Variants in MARCHF1 observed in about 807,000 individuals in gnomAD.
MARCHF1 encodes membrane associated ring-CH-type finger 1.
In MARCHF1, 40 loss-of-function variants were observed where a neutral mutation model predicts 54.2. That is an observed-to-expected ratio of 0.74 (90% CI 0.57 to 0.96). The LOEUF is 0.96. Ranked by LOEUF, MARCHF1 falls within the 40% of genes least tolerant of loss-of-function variation. The pLI, the probability that MARCHF1 is intolerant of heterozygous loss-of-function variation, is 0.00. For missense variants in MARCHF1, 586 were observed against 656.5 expected (o/e 0.89, Z 1.17); for synonymous variants, 236 against 236.3 (o/e 1.00, Z 0.01).
intron 5 of MARCHF1, among the ~76,000 whole-genome samples, chr4:163,686,984 C>T (rs948525034): frequency 6.6e-6 from 1 of 152,158 alleles, no homozygotes; most frequent in African/African-American, 2.4e-5. Flanking sequence ...CCTTGCAGTG[C>T]ATAGATTAAT....
chr4:164,284,810 C>T (rs1734105049), intron 1 of MARCHF1, among the ~76,000 whole-genome samples: 1 of 150,956 alleles, frequency 6.6e-6, no homozygotes. Context: ...AGTTCAATAT[C>T]GTATATGTTT....
chr4:163,979,170 C>G (rs564460570), intron 3 of MARCHF1, among the ~76,000 whole-genome samples: 1 of 56,058 alleles, frequency 1.8e-5, no homozygotes, highest in Non-Finnish European at 3.4e-5. Flanking sequence ...ATCCCCCCCC[C>G]TCCCCCCACC....
At chr4:164,102,273 G>A (rs1755580915) in intron 2 of MARCHF1, among the ~76,000 whole-genome samples, 1 of 69,094 alleles carries the variant, frequency 1.4e-5, no homozygotes, top group Non-Finnish European at 3.0e-5. Flanking sequence ...ACGCCACAAA[G>A]ATACTCCTCG....
intron 5 of MARCHF1, among the ~76,000 whole-genome samples, chr4:163,616,566 C>A (rs1327673278): frequency 6.6e-6 from 1 of 152,046 alleles, no homozygotes; most frequent in Middle Eastern, 3.2e-3. Context: ...TTATCTCACT[C>A]TCCTTAGGAT....
chr4:163,842,972 G>C (rs908978057), intron 4 of MARCHF1, among the ~76,000 whole-genome samples: 2 of 99,108 alleles, frequency 2.0e-5, no homozygotes, highest in Non-Finnish European at 4.5e-5. Context: ...CAGTTAGTGA[G>C]TACAGGGTGC....
intron 2 of MARCHF1, among the ~76,000 whole-genome samples, chr4:164,019,342 C>T (rs975142255): frequency 6.6e-6 from 1 of 152,140 alleles, no homozygotes; most frequent in Admixed American, 6.6e-5. Flanking sequence ...TTTTGGTTCA[C>T]TTAATTCTTC....
chr4:163,931,916 G>A (rs1000481307), intron 3 of MARCHF1, among the ~76,000 whole-genome samples: 1 of 152,090 alleles, frequency 6.6e-6, no homozygotes, highest in African/African-American at 2.4e-5. Context: ...GTATATAAAG[G>A]CACAGCATGG....
rs556007900 is a variant in MARCHF1, at chr4:163,524,991, C to G, written c.*3757G>C. 23 of 152,222 alleles carry G rather than the reference C, an allele frequency of 1.5e-4. No homozygotes were observed. In the East Asian group the frequency reaches 4.2e-3, roughly 28 times the overall value. The allele number at this position is 152,222 out of a possible 1,614,324, so 9.4% of individuals were successfully genotyped here. A position where few individuals can be genotyped will look rare whatever the true frequency, so the allele number is the denominator to read the frequency against. On this transcript the variant is annotated 3_prime_UTR_variant, in exon 10 of 10. Transcript: ENST00000514618. Reference sequence around the variant, plus strand: ...AGCCCAAAATAACAGTACTTCCTTTCAACTGTGTTGATATGTAAAATAGCA... The same window carrying G: ...AGCCCAAAATAACAGTACTTCCTTTGAACTGTGTTGATATGTAAAATAGCA...
chr4:164,034,430 A>T (rs749104339), intron 2 of MARCHF1, among the ~76,000 whole-genome samples: 1 of 152,168 alleles, frequency 6.6e-6, no homozygotes, highest in Non-Finnish European at 1.5e-5. Flanking sequence ...TCAAAGAACT[A>T]AAAATGTAAC....
chr4:163,611,584 A>G lies in MARCHF1; in HGVS notation c.1010+687T>C, dbSNP rs113188236. Among the ~76,000 whole-genome samples the G allele has an allele frequency of 4.6e-3, 706 of 152,234 alleles. 6 individuals carry two copies. Among genetic ancestry groups the G allele is most frequent in the African/African-American group, 0.016 (670 of 41,552 alleles). Reference sequence around the variant, plus strand: ...TATGCACACTAGCTTGGATATTCCTATAATTCTTTTTATGTAAGGTTATTT... The same window carrying G: ...TATGCACACTAGCTTGGATATTCCTGTAATTCTTTTTATGTAAGGTTATTT... On this transcript the variant is annotated intron_variant, in intron 7 of 9. Transcript: ENST00000514618.
intron 2 of MARCHF1, among the ~76,000 whole-genome samples, chr4:164,093,543 A>G (rs1451556400): frequency 6.6e-6 from 1 of 152,124 alleles, no homozygotes; most frequent in African/African-American, 2.4e-5. Flanking sequence ...AGTCTATGAT[A>G]CCCAAACTAT....
At chr4:164,300,862 G>A (rs1413252700) in intron 1 of MARCHF1, among the ~76,000 whole-genome samples, 1 of 152,146 alleles carries the variant, frequency 6.6e-6, no homozygotes, top group African/African-American at 2.4e-5. Context: ...AAATGGTAAA[G>A]CGGGAGAATT....
At position 163,975,188 on chromosome 4, in the gene MARCHF1, TCTCTCTCTCA is replaced by T. The variant is rs146154893; in HGVS notation, c.-39+13303_-39+13312del. Among the ~76,000 whole-genome samples the T allele has an allele frequency of 7.7e-3, 1,028 of 133,808 alleles. 5 individuals are homozygous for T. Among genetic ancestry groups the T allele is most frequent in the East Asian group, 0.02 (68 of 3,478 alleles). 87.8% of individuals were successfully genotyped at this position (133,808 alleles called of 152,430 possible). A position where few individuals can be genotyped will look rare whatever the true frequency, so the allele number is the denominator to read the frequency against. ...AGCTCTCTCTCTCTCTCTCTCTCTC[TCTCTCTCTCA>T]CACACACACACACACACACACACAC... On this transcript the variant is annotated intron_variant, in intron 3 of 9. Transcript: ENST00000514618.
At chr4:163,552,392 A>C (rs1560937525) in intron 8 of MARCHF1, among the ~76,000 whole-genome samples, 1 of 152,196 alleles carries the variant, frequency 6.6e-6, no homozygotes. Flanking sequence ...AATCGGGGGA[A>C]GTAGTTAACT....
At chr4:163,558,514 T>C (rs11931261) in intron 8 of MARCHF1, among the ~76,000 whole-genome samples, 123,848 of 151,828 alleles carry the variant, frequency 0.82, 50,756 homozygotes, top group Middle Eastern at 0.92. Context: ...AGTGACTGGA[T>C]TTAGGGACAA....
intron 1 of MARCHF1, among the ~76,000 whole-genome samples, chr4:164,147,181 TG>T (rs1729773682): frequency 1.3e-5 from 2 of 151,656 alleles, no homozygotes; most frequent in South Asian, 4.2e-4. Flanking sequence ...CAACAGGTGC[TG>T]GAGAGGATGT....
chr4:164,177,806 G>GAGACACACAC (rs148681185), intron 1 of MARCHF1, among the ~76,000 whole-genome samples: 10,578 of 149,218 alleles, frequency 0.071, 509 homozygotes, highest in Admixed American at 0.15. Flanking sequence ...GTATGAAAGA[G>GAGACACACAC]ACACACACAC....
chr4:163,956,157 C>T (rs553160027), intron 3 of MARCHF1, among the ~76,000 whole-genome samples: 1 of 152,236 alleles, frequency 6.6e-6, no homozygotes, highest in Non-Finnish European at 1.5e-5. Flanking sequence ...TATCAGAACA[C>T]TCTGTAGTAG....
rs1012578866 is a variant in MARCHF1, at chr4:163,760,040, G to A, written c.112-59177C>T. On this transcript the variant is annotated intron_variant, in intron 4 of 9. Transcript: ENST00000514618. ...GTTCTGGAGGTGGAAGGTCTGAAAT[G>A]TGTCTCACTGGCTAAAATCCAGGTA... Among the ~76,000 whole-genome samples the A allele has an allele frequency of 2.0e-5, 3 of 152,194 alleles. 1 individual carries two copies. Among genetic ancestry groups the A allele is most frequent in the South Asian group, 4.1e-4 (2 of 4,836 alleles).
Sources: gnomAD v4.1 joint callset for allele counts (sites outside exome capture counted in the v4.1 genomes callset) on GRCh38, gnomAD v4.1.1 for gene constraint, MANE v1.5 for transcripts, NCBI Gene and HGNC (gene_info 2026-07-23, HGNC 2026-07-21) for gene names.